Variants in LRP1B observed in about 807,000 individuals in gnomAD.
LRP1B encodes low-density lipoprotein receptor-related protein 1B.
Under a neutral mutation model 556.6 loss-of-function variants are expected in LRP1B, and 217 were observed. The observed-to-expected ratio is 0.39, with a 90% CI of 0.35 to 0.44. LRP1B has a LOEUF of 0.44. Ranked by LOEUF, LRP1B falls within the 20% of genes least tolerant of loss-of-function variation. The pLI is 1.00. For synonymous variants in LRP1B, 2,047 were observed against 1,865.8 expected (o/e 1.10, Z -2.50); for missense variants, 5,053 against 5,620.8 (o/e 0.90, Z 3.23).
At chr2:140,498,880 T>C (rs1187630835) in intron 55 of LRP1B, among the ~76,000 whole-genome samples, 1 of 151,902 alleles carries the variant, frequency 6.6e-6, no homozygotes, top group African/African-American at 2.4e-5. Context: ...TTATTTATGA[T>C]TCTGGTCTCA....
intron 32 of LRP1B, among the ~76,000 whole-genome samples, chr2:140,799,806 C>T (rs1690443024): frequency 6.6e-6 from 1 of 152,114 alleles, no homozygotes; most frequent in Admixed American, 6.5e-5. Flanking sequence ...AGGAACAGCT[C>T]GAGTCTACAG....
At position 141,038,139 on chromosome 2, in the gene LRP1B, T is replaced by TAA. The variant is rs34603242; in HGVS notation, c.1789+10845_1789+10846dup. On this transcript the variant is annotated intron_variant, in intron 11 of 90. Transcript: ENST00000389484. ...CAGAAAAGTAAAAACTAAAAATAAT[T>TAA]AAAAAAAAAATCTAGCAAGCTGGGA... Among the ~76,000 whole-genome samples, 353 of 148,920 alleles carry TAA rather than the reference T, an allele frequency of 2.4e-3. 4 individuals are homozygous for TAA. Among genetic ancestry groups the TAA allele is most frequent in the African/African-American group, 4.2e-3 (171 of 40,460 alleles).
chr2:141,784,937 G>C (rs1461514804), intron 2 of LRP1B, among the ~76,000 whole-genome samples: 1 of 151,868 alleles, frequency 6.6e-6, no homozygotes. Flanking sequence ...CATGCAGATA[G>C]TCAAGTTACC....
intron 35 of LRP1B, among the ~76,000 whole-genome samples, chr2:140,759,984 A>G (rs1391243836): frequency 6.6e-6 from 1 of 151,880 alleles, no homozygotes; most frequent in Non-Finnish European, 1.5e-5. Context: ...TTAAGTTACT[A>G]TATCATGAAG....
intron 43 of LRP1B, among the ~76,000 whole-genome samples, chr2:140,592,539 T>A (rs143489446): frequency 6.6e-6 from 1 of 152,134 alleles, no homozygotes; most frequent in Non-Finnish European, 1.5e-5. Context: ...ACCTATGTTG[T>A]GAGAAAATTC....
intron 3 of LRP1B, among the ~76,000 whole-genome samples, chr2:141,287,866 A>G (rs1199586613): frequency 6.6e-6 from 1 of 152,216 alleles, no homozygotes; most frequent in African/African-American, 2.4e-5. Context: ...TTAAAATCTT[A>G]ACCTATGATT....
intron 1 of LRP1B, among the ~76,000 whole-genome samples, chr2:141,865,342 C>T (rs1227781106): frequency 6.6e-6 from 1 of 151,852 alleles, no homozygotes; most frequent in African/African-American, 2.4e-5. Flanking sequence ...CCTGTAATCC[C>T]AGCACTTTGG....
intron 86 of LRP1B, among the ~76,000 whole-genome samples, chr2:140,254,906 G>A (rs1573691143): frequency 6.6e-6 from 1 of 152,074 alleles, no homozygotes; most frequent in East Asian, 1.9e-4. Context: ...CAACACCAAA[G>A]CTTTCTTGGG....
At chr2:140,900,705 T>G (rs181021440) in intron 23 of LRP1B, among the ~76,000 whole-genome samples, 52 of 152,228 alleles carry the variant, frequency 3.4e-4, no homozygotes, top group African/African-American at 1.2e-3. Flanking sequence ...AACTTCAAAG[T>G]TTGTATTATT....
rs768295795 is a variant in LRP1B at position 140,234,880 on chromosome 2, C to G, written c.13565G>C (p.Arg4522Thr). 2 of 773,802 alleles carry G rather than the reference C, an allele frequency of 2.6e-6. No homozygotes were observed. Among genetic ancestry groups the G allele is most frequent in the African/African-American group, 1.7e-5 (1 of 58,534 alleles). 47.9% of individuals were successfully genotyped at this position (773,802 alleles called of 1,614,324 possible). Residue 4522 changes from arginine to threonine, a missense_variant, in exon 90 of 91, where the codon AGG (arginine) becomes ACG (threonine). Around this residue, in one of 5 missense-constraint regions of LRP1B, gnomAD observed 551 missense variants for 592.0 expected, o/e 0.93. Transcript: ENST00000389484. ...AGCACTGGGTCCTCCCCCTATGTAC[C>G]TGGCCTGTATATAAACAGAAAATTT... Reference protein sequence around the residue: ...PGFMIDPTKARYIGGGPSAFK... With the variant: ...PGFMIDPTKATYIGGGPSAFK...
At chr2:140,389,205 A>G (rs116271572) in intron 66 of LRP1B, among the ~76,000 whole-genome samples, 2,081 of 152,206 alleles carry the variant, frequency 0.014, 52 homozygotes, top group African/African-American at 0.048. Context: ...TCCTCCCAGA[A>G]AGGTAATATG....
At chr2:141,436,532 G>A (rs35543790) in intron 3 of LRP1B, among the ~76,000 whole-genome samples, 34,192 of 151,538 alleles carry the variant, frequency 0.23, 3,987 homozygotes, top group South Asian at 0.32. Flanking sequence ...AGACCTTTCC[G>A]TGACTGGGTT....
intron 18 of LRP1B, among the ~76,000 whole-genome samples, chr2:140,973,240 C>T (rs1696489851): frequency 6.6e-6 from 1 of 151,502 alleles, no homozygotes; most frequent in African/African-American, 2.4e-5. Flanking sequence ...CAGCTTTTCC[C>T]AGAAGAATGT....
Position 140,973,227 on chromosome 2 carries a change from G to A in LRP1B, c.2887+8933C>T, listed in dbSNP as rs566860314. ...TATAGCTACAGAATTCTAATTATTA[G>A]GTCAGCTTTTCCCAGAAGAATGTTT... On this transcript the variant is annotated intron_variant, in intron 18 of 90. Coordinates refer to ENST00000389484, the MANE Select transcript of LRP1B (RefSeq NM_018557.3). 1.9e-4 allele frequency among the ~76,000 whole-genome samples: 29 copies of A among 151,696 alleles called. No individual in the cohort carries two copies. In the East Asian group the frequency reaches 5.2e-3, roughly 27 times the overall value.
chr2:140,914,172 CTG>C (rs988390217), intron 21 of LRP1B, among the ~76,000 whole-genome samples: 6 of 152,012 alleles, frequency 3.9e-5, no homozygotes, highest in African/African-American at 9.7e-5. Context: ...GAAGCCAAAA[CTG>C]TGGATAGAGT....
intron 47 of LRP1B, among the ~76,000 whole-genome samples, chr2:140,532,947 T>TATATATATATACAC: frequency 3.2e-5 from 4 of 124,320 alleles, no homozygotes; most frequent in African/African-American, 1.3e-4. Flanking sequence ...TATATATATA[T>TATATATATATACAC]ACACATATAT....
chr2:141,172,087 C>T (rs954905254), intron 7 of LRP1B, among the ~76,000 whole-genome samples: 6 of 152,178 alleles, frequency 3.9e-5, no homozygotes, highest in African/African-American at 9.6e-5. Context: ...ATGATGGTAG[C>T]GTGAAAAGCT....
intron 3 of LRP1B, among the ~76,000 whole-genome samples, chr2:141,448,445 C>A (rs1681280760): frequency 6.6e-6 from 1 of 152,182 alleles, no homozygotes; most frequent in South Asian, 2.1e-4. Flanking sequence ...GCTGGCATTC[C>A]AGACAGCACT....
chr2:141,600,723 A>G (rs1313048004), intron 2 of LRP1B, among the ~76,000 whole-genome samples: 1 of 152,100 alleles, frequency 6.6e-6, no homozygotes, highest in Non-Finnish European at 1.5e-5. Flanking sequence ...TCTTTTCCTC[A>G]TGGATTCAGG....
Sources: gnomAD v4.1 joint callset for allele counts (sites outside exome capture counted in the v4.1 genomes callset) on GRCh38, gnomAD v4.1.1 for gene constraint, gnomAD v4.1.1 regional missense constraint, MANE v1.5 for transcripts, NCBI Gene and HGNC (gene_info 2026-07-23, HGNC 2026-07-21) for gene names.